The following SKI variants were observed in gnomAD, a reference collection of about 807,000 sequenced individuals.
SKI encodes the protein SKI proto-oncogene.
Under a neutral mutation model 59.3 loss-of-function variants are expected in SKI, and 23 were observed. The ratio of observed to expected loss-of-function variants is 0.39; its 90% CI spans 0.28 to 0.55. The LOEUF is 0.55. SKI is among the 20% of genes least tolerant of loss of function. The probability of loss-of-function intolerance (pLI) is 0.67; values close to 1 mark genes in which losing one functional copy is unlikely to be tolerated. For synonymous variants in SKI, 673 were observed against 488.6 expected (o/e 1.38, Z -4.98); for missense variants, 1,017 against 1,038.9 (o/e 0.98, Z 0.29).
intron 1 of SKI, among the ~76,000 whole-genome samples, chr1:2,264,892 A>G (rs531168270): frequency 7.3e-5 from 11 of 151,444 alleles, no homozygotes; most frequent in Middle Eastern, 3.4e-3. Flanking sequence ...GCTCACTGCA[A>G]CCTCTGCCTC....
rs150033567 is a variant in SKI at position 2,303,957 on chromosome 1, C to T, written c.1329C>T (p.Pro443=). 1.2e-4 allele frequency: 195 copies of T among 1,611,604 alleles called. No homozygotes were observed. The highest frequency in any genetic ancestry group is 2.0e-4 in the African/African-American group (15 of 74,932). Residue 443 remains proline (P), a synonymous_variant, in exon 4 of 7, where the codon CCC becomes CCT. Coordinates refer to ENST00000378536, the MANE Select transcript of SKI (RefSeq NM_003036.4). This position sits in a 1 kb window ranked among gnomAD's most constrained non-coding sequence, Gnocchi z 5.6. ...PPCAAAVSRA[P]EPLATCTQPR... is the part of the protein sequence containing the mutation. ...GTGCCGCCGCCGTCTCCCGGGCCCC[C>T]GAGCCTCTCGCCACTTGCACCCAGC...
intron 1 of SKI, among the ~76,000 whole-genome samples, chr1:2,284,567 C>T (rs748854722): frequency 9.9e-5 from 15 of 152,234 alleles, no homozygotes; most frequent in East Asian, 1.9e-4. Context: ...CCAGTGGGCT[C>T]ACCCCAGTGG....
At chr1:2,250,860 G>A (rs965393426) in intron 1 of SKI, among the ~76,000 whole-genome samples, 2 of 152,272 alleles carry the variant, frequency 1.3e-5, no homozygotes, top group African/African-American at 2.4e-5. Context: ...GGCAGGGCCC[G>A]GACGGGCAGG....
chr1:2,263,347 C>T (rs191807916), intron 1 of SKI, among the ~76,000 whole-genome samples: 1 of 151,154 alleles, frequency 6.6e-6, no homozygotes, highest in Admixed American at 6.6e-5. Context: ...AAGCGATTCT[C>T]CTGTCTCAGC....
chr1:2,283,362 C>A (rs1306184708), intron 1 of SKI, among the ~76,000 whole-genome samples: 2 of 152,050 alleles, frequency 1.3e-5, no homozygotes, highest in Admixed American at 6.5e-5. Context: ...GGGGGGAGGG[C>A]AGGGCCTCCT....
Position 2,308,816 on chromosome 1 carries a change from G to T in SKI, c.*2051G>T, listed in dbSNP as rs1051396465. The T allele has an allele frequency of 6.6e-6, 1 of 152,274 alleles. No individual in the cohort carries two copies. Among genetic ancestry groups the T allele is most frequent in the Admixed American group, 6.5e-5 (1 of 15,292 alleles). 9.4% of individuals were successfully genotyped at this position (152,274 alleles called of 1,614,324 possible). A position where few individuals can be genotyped will look rare whatever the true frequency, so the allele number is the denominator to read the frequency against. ...AGAGGGAGATGAGCTTTTCCAAGCT[G>T]TGTCTGGGCCAGAGCCTCTCCTTGC... On this transcript the variant is annotated 3_prime_UTR_variant, in exon 7 of 7. Transcript: ENST00000378536.
In SKI at chr1:2,306,157, G is replaced by T; in HGVS notation, c.1905G>T (p.Leu635=). 1 of 1,593,342 alleles carries T rather than the reference G, an allele frequency of 6.3e-7. No individual in the cohort carries two copies. Among genetic ancestry groups the T allele is most frequent in the Admixed American group, 1.8e-5 (1 of 56,556 alleles). ...KKMKEANESR[L]RLKRELEQAR... ...TGAAAGAGGCCAACGAGTCACGGCT[G>T]CGCCTGAAGCGGGAGCTGGAGCAGG... is the stretch of plus-strand genomic sequence containing the variant. Residue 635 remains leucine (L), a synonymous_variant, in exon 6 of 7, where the codon CTG becomes CTT. Transcript: ENST00000378536.
intron 6 of SKI, 36 bp from the exon 7 acceptor site, chr1:2,306,541 C>T (rs1640587239): frequency 3.9e-6 from 6 of 1,530,954 alleles, no homozygotes; most frequent in East Asian, 2.5e-5. Context: ...GGCAGGGCAG[C>T]GAGCAGGCGC....
At chr1:2,258,918 G>A (rs1416710186) in intron 1 of SKI, among the ~76,000 whole-genome samples, 1 of 152,180 alleles carries the variant, frequency 6.6e-6, no homozygotes, top group African/African-American at 2.4e-5. Flanking sequence ...TGGCCCTTGA[G>A]TGTTTGCCTC....
At chr1:2,245,969 G>GT (rs1638985517) in intron 1 of SKI, among the ~76,000 whole-genome samples, 3 of 149,982 alleles carry the variant, frequency 2.0e-5, no homozygotes, top group South Asian at 4.2e-4. Flanking sequence ...GCTAATTTTT[G>GT]TTTTTTTAGT....
At chr1:2,306,277 G>T in intron 6 of SKI, 27 bp downstream of exon 6, 2 of 1,522,300 alleles carry the variant, frequency 1.3e-6, no homozygotes, top group South Asian at 2.4e-5. Context: ...ACTGAGGCAC[G>T]CAGCACGGTG....
intron 1 of SKI, among the ~76,000 whole-genome samples, chr1:2,301,685 C>T (rs1640429141): frequency 6.6e-6 from 1 of 151,418 alleles, no homozygotes; most frequent in Middle Eastern, 3.2e-3. Context: ...AGCGTCTTCT[C>T]CTAGAGTCCT....
At chr1:2,234,479 G>C (rs12061341) in intron 1 of SKI, among the ~76,000 whole-genome samples, 20,630 of 152,234 alleles carry the variant, frequency 0.14, 1,965 homozygotes, top group African/African-American at 0.26. Context: ...CTCCGGGTGA[G>C]GGCAGACAGG....
chr1:2,304,324 G>T lies in SKI; in HGVS notation c.1506G>T (p.Pro502=). The T allele has an allele frequency of 6.4e-7, 1 of 1,551,598 alleles. No homozygotes were observed. Among genetic ancestry groups the T allele is most frequent in the South Asian group, 1.2e-5 (1 of 84,070 alleles). The stretch of plus-strand genomic sequence containing the variant: ...CCTCCTTGTCCTCGCTCTCTTCCCC[G>T]TCCTTTACCTCATCCAGCTCCGCCA... ...FTSSLSSLSS[P]SFTSSSSAKD... is the part of the protein sequence containing the mutation. Residue 502 remains proline, a synonymous_variant, in exon 5 of 7, where the codon CCG becomes CCT. Transcript: ENST00000378536.
At position 2,306,639 on chromosome 1, in the gene SKI, C is replaced by A. The variant is rs1021794039; in HGVS notation, c.2061C>A (p.Asp687Glu). Residue 687 changes from aspartate (D) to glutamate (E), a missense_variant, in exon 7 of 7, where the codon GAC becomes GAA. By Grantham distance (45) the Asp-to-Glu change is conservative. Transcript: ENST00000378536. Reference sequence around the variant, plus strand: ...CGGACCGGGAGCAGCTGCGGGCCGACCTGCTGCGGGAGCGCGAGGCCCGGG... The same window carrying A: ...CGGACCGGGAGCAGCTGCGGGCCGAACTGCTGCGGGAGCGCGAGGCCCGGG... Reference protein sequence around the residue: ...AEADREQLRADLLREREAREH... With the variant: ...AEADREQLRAELLREREAREH... 2 of 1,544,422 alleles carry A rather than the reference C, an allele frequency of 1.3e-6. No individual in the cohort carries two copies. The highest frequency in any genetic ancestry group is 1.7e-6 in the Non-Finnish European group (2 of 1,145,216).
intron 1 of SKI, among the ~76,000 whole-genome samples, chr1:2,272,367 C>T (rs1033839941): frequency 1.3e-5 from 2 of 152,384 alleles, no homozygotes; most frequent in African/African-American, 2.4e-5. Flanking sequence ...GACCGTGCTG[C>T]CCCCTCAAAC....
At chr1:2,235,693 A>G (rs1638737298) in intron 1 of SKI, among the ~76,000 whole-genome samples, 1 of 152,208 alleles carries the variant, frequency 6.6e-6, no homozygotes, top group Non-Finnish European at 1.5e-5. Flanking sequence ...ATGCTGCCAC[A>G]TGAGCCTGCT....
chr1:2,285,350 T>A (rs1454401745), intron 1 of SKI, among the ~76,000 whole-genome samples: 1 of 151,800 alleles, frequency 6.6e-6, no homozygotes, highest in Non-Finnish European at 1.5e-5. Flanking sequence ...CAATCTCTAC[T>A]GAAAATACAA....
chr1:2,306,479 G>A (rs1640583928), intron 6 of SKI, 98 bp from the exon 7 acceptor site: 1 of 1,293,026 alleles, frequency 7.7e-7, no homozygotes, highest in African/African-American at 1.5e-5. Context: ...GCACTGGGGA[G>A]GGACAGGGAG....
Sources: gnomAD v4.1 joint callset for allele counts (sites outside exome capture counted in the v4.1 genomes callset) on GRCh38, gnomAD v4.1.1 for gene constraint, Gnocchi (gnomAD v3.1) non-coding constraint, MANE v1.5 for transcripts, NCBI Gene and HGNC (gene_info 2026-07-23, HGNC 2026-07-21) for gene names.